Variants in NRG1 observed in about 807,000 individuals in gnomAD.
The protein encoded by NRG1 is pro-neuregulin-1, membrane-bound isoform.
A neutral mutation model predicts 63.8 loss-of-function variants in NRG1; 18 were observed. The ratio of observed to expected loss-of-function variants is 0.28; its 90% CI spans 0.19 to 0.42. NRG1 has a LOEUF of 0.42. Ranked by LOEUF, NRG1 falls within the 10% of genes least tolerant of loss-of-function variation. The probability of loss-of-function intolerance (pLI) is 1.00; values close to 1 mark genes in which losing one functional copy is unlikely to be tolerated. For missense variants in NRG1, 762 were observed against 814.7 expected, an observed-to-expected ratio of 0.94 and a Z score of 0.79; for synonymous variants, 302 against 301.3, an observed-to-expected ratio of 1.00 and a Z score of -0.02.
chr8:32,585,245 A>T (rs1206731066), intron 1 of NRG1, among the ~76,000 whole-genome samples: 4 of 152,224 alleles, frequency 2.6e-5, no homozygotes, highest in Non-Finnish European at 5.9e-5. Flanking sequence ...AATCATATTT[A>T]TAAGCTTATG....
At chr8:32,642,554 G>T (rs1028010705) in intron 5 of NRG1, among the ~76,000 whole-genome samples, 8 of 152,210 alleles carry the variant, frequency 5.3e-5, no homozygotes, top group African/African-American at 1.9e-4. Flanking sequence ...CAGAGAAGCT[G>T]CAAGTTTTGA....
intron 1 of NRG1, among the ~76,000 whole-genome samples, chr8:31,972,127 C>T (rs1807391842): frequency 6.6e-6 from 1 of 152,128 alleles, no homozygotes; most frequent in Non-Finnish European, 1.5e-5. Context: ...CACACTATGC[C>T]AGTGCCAAAA....
chr8:31,897,972 G>A (rs1001381989), intron 1 of NRG1, among the ~76,000 whole-genome samples: 5 of 142,288 alleles, frequency 3.5e-5, no homozygotes, highest in South Asian at 2.2e-4. Context: ...AGCCGAGATC[G>A]CACCATTGCA....
At chr8:31,681,039 T>C (rs1383226651) in intron 1 of NRG1, among the ~76,000 whole-genome samples, 3 of 152,102 alleles carry the variant, frequency 2.0e-5, no homozygotes, top group Admixed American at 2.0e-4. Flanking sequence ...CACACATTTA[T>C]GTAAAATTCT....
chr8:32,334,997 T>A (rs552795156), intron 1 of NRG1, among the ~76,000 whole-genome samples: 1 of 152,236 alleles, frequency 6.6e-6, no homozygotes, highest in African/African-American at 2.4e-5. Flanking sequence ...GCACGTCCAG[T>A]GTTATTATTA....
chr8:32,511,253 T>C (rs922115439), intron 1 of NRG1, among the ~76,000 whole-genome samples: 1 of 150,390 alleles, frequency 6.6e-6, no homozygotes, highest in Non-Finnish European at 1.5e-5. Context: ...AATACATCAG[T>C]AAACAAACTT....
intron 1 of NRG1, among the ~76,000 whole-genome samples, chr8:32,008,217 G>T (rs1210149854): frequency 6.6e-6 from 1 of 151,872 alleles, no homozygotes; most frequent in Admixed American, 6.6e-5. Flanking sequence ...ATATTTATTA[G>T]AGTACGCTTT....
intron 1 of NRG1, among the ~76,000 whole-genome samples, chr8:31,735,677 A>G (rs554160337): frequency 1.3e-5 from 2 of 152,310 alleles, no homozygotes. Flanking sequence ...ATGTAAATCT[A>G]TATATTTGCC....
chr8:32,538,536 G>C (rs892819194), intron 1 of NRG1, among the ~76,000 whole-genome samples: 1 of 152,138 alleles, frequency 6.6e-6, no homozygotes. Context: ...AAATCAGCTA[G>C]GCTTGTTCTT....
intron 1 of NRG1, among the ~76,000 whole-genome samples, chr8:32,583,908 C>A (rs1163698704): frequency 3.9e-5 from 6 of 152,170 alleles, no homozygotes; most frequent in African/African-American, 1.4e-4. Flanking sequence ...ATTTTGACTT[C>A]TTTCGTGTAA....
At chr8:32,655,200 G>C (rs1406039920) in intron 5 of NRG1, among the ~76,000 whole-genome samples, 1 of 152,086 alleles carries the variant, frequency 6.6e-6, no homozygotes, top group African/African-American at 2.4e-5. Flanking sequence ...CAGTGGTTTG[G>C]TAACAATGCC....
intron 1 of NRG1, among the ~76,000 whole-genome samples, chr8:31,770,493 C>A (rs1480262580): frequency 1.3e-5 from 2 of 151,730 alleles, no homozygotes; most frequent in African/African-American, 4.8e-5. Context: ...TGGAAACCAT[C>A]ATTCTCAGCA....
intron 1 of NRG1, among the ~76,000 whole-genome samples, chr8:32,169,848 T>C (rs1839822679): frequency 6.6e-6 from 1 of 152,210 alleles, no homozygotes; most frequent in Non-Finnish European, 1.5e-5. Flanking sequence ...TTAACCCCAG[T>C]GCTGCTGAAT....
chr8:31,670,424 T>TATTGCC lies in NRG1; in HGVS notation c.37+30997_37+31002dup, dbSNP rs1332757081. 2.6e-5 allele frequency among the ~76,000 whole-genome samples: 4 copies of TATTGCC among 152,338 alleles called. No individual in the cohort carries two copies. The East Asian group carries it at 7.7e-4, about 29-fold the overall frequency. On this transcript the variant is annotated intron_variant, in intron 1 of 10. Transcript: ENST00000519301. ...AATCAAAGATCATTAATAAATCTTG[T>TATTGCC]ATTGCCATTACCTCATAAAATAAGT... is the stretch of plus-strand genomic sequence containing the variant.
At position 32,251,373 on chromosome 8, in the gene NRG1, C is replaced by T. The variant is rs1217599968; in HGVS notation, c.38-344455C>T. On this transcript the variant is annotated intron_variant, in intron 1 of 10. Transcript: ENST00000519301. ...GCTTTCAGCTTCATCCATGTCCCTG[C>T]AAAGGACACAAACTCAACCTTTTTT... Among the ~76,000 whole-genome samples the T allele has an allele frequency of 3.3e-5, 4 of 121,258 alleles. No individual in the cohort carries two copies. The East Asian group carries it at 8.7e-4, about 26-fold the overall frequency. 79.5% of individuals were successfully genotyped at this position (121,258 alleles called of 152,430 possible).
chr8:32,431,245 T>TA (rs1818109715), intron 1 of NRG1, among the ~76,000 whole-genome samples: 1 of 152,152 alleles, frequency 6.6e-6, no homozygotes, highest in Non-Finnish European at 1.5e-5. Flanking sequence ...AACTGTGTAA[T>TA]ACATAAAGTC....
At chr8:31,835,869 G>C (rs970446383) in intron 1 of NRG1, among the ~76,000 whole-genome samples, 1 of 152,190 alleles carries the variant, frequency 6.6e-6, no homozygotes, top group Admixed American at 6.5e-5. Context: ...AATGTTCAAT[G>C]TCTGTACTGT....
rs1823590283 is a variant in NRG1 at position 32,060,060 on chromosome 8, C to A, written c.37+420629C>A. Among the ~76,000 whole-genome samples the A allele has an allele frequency of 2.0e-5, 3 of 151,870 alleles. No individual in the cohort carries two copies. The East Asian group carries it at 5.8e-4, about 29-fold the overall frequency. ...CTTTCTTGCTCTCTATTTTAATTGT[C>A]CTTACCTTCTGTTTTTATTTTTTGG... On this transcript the variant is annotated intron_variant, in intron 1 of 10. Transcript: ENST00000519301.
At chr8:31,788,559 A>G (rs2131645308) in intron 1 of NRG1, among the ~76,000 whole-genome samples, 1 of 152,282 alleles carries the variant, frequency 6.6e-6, no homozygotes, top group Middle Eastern at 3.4e-3. Context: ...GAGAGTTCTT[A>G]AGACTATTAG....
Sources: allele counts gnomAD v4.1 joint callset (sites outside exome capture counted in the v4.1 genomes callset), GRCh38; gene constraint gnomAD v4.1.1; transcripts MANE v1.5; gene names NCBI Gene and HGNC (gene_info 2026-07-23, HGNC 2026-07-21).